Variants in EPHA6 observed in about 807,000 individuals in gnomAD.
EPHA6 encodes EPH receptor A6.
EPHA6 carries 50 observed loss-of-function variants against 112.0 expected under a neutral mutation model. The ratio of observed to expected loss-of-function variants is 0.45; its 90% CI spans 0.36 to 0.56. The LOEUF is 0.56. Among genes scored for constraint, EPHA6 ranks in the 20% least tolerant of loss-of-function variants. The probability of loss-of-function intolerance (pLI) is 0.00; values close to 1 mark genes in which losing one functional copy is unlikely to be tolerated. For synonymous variants in EPHA6, 529 were observed against 490.7 expected (o/e 1.08, Z -1.03); for missense variants, 1,280 against 1,417.4 (o/e 0.90, Z 1.56).
chr3:97,611,659 ATATC>A (rs949238070), intron 13 of EPHA6, among the ~76,000 whole-genome samples: 1 of 151,818 alleles, frequency 6.6e-6, no homozygotes, highest in Non-Finnish European at 1.5e-5. Flanking sequence ...TGTATTTTTA[ATATC>A]TATCTATCTG....
chr3:97,152,476 G>A (rs1358536429), intron 3 of EPHA6, among the ~76,000 whole-genome samples: 4 of 150,414 alleles, frequency 2.7e-5, no homozygotes, highest in Non-Finnish European at 5.9e-5. Context: ...TTAGATACTT[G>A]AAAAGAAAGG....
intron 5 of EPHA6, among the ~76,000 whole-genome samples, chr3:97,271,257 T>C (rs897595151): frequency 6.6e-6 from 1 of 152,274 alleles, no homozygotes; most frequent in Non-Finnish European, 1.5e-5. Context: ...CATTTCTGAA[T>C]ATGCACCCAT....
At position 97,581,781 on chromosome 3, in the gene EPHA6, T is replaced by G. The variant is rs555314227; in HGVS notation, c.2387-10831T>G. Among the ~76,000 whole-genome samples, 46 of 152,344 alleles carry G rather than the reference T, an allele frequency of 3.0e-4. 1 individual carries two copies. Among genetic ancestry groups the G allele is most frequent in the African/African-American group, 1.1e-3 (44 of 41,590 alleles). On this transcript the variant is annotated intron_variant, in intron 11 of 17. Transcript: ENST00000389672. ...CACCTGTGCTCTTCCCATTGCAGCT[T>G]TGCTGCCTCCTGAGGGAGCACAGAT...
At chr3:97,001,422 G>A (rs2027816) in intron 3 of EPHA6, among the ~76,000 whole-genome samples, 8,314 of 151,890 alleles carry the variant, frequency 0.055, 286 homozygotes, top group Middle Eastern at 0.12. Flanking sequence ...TGAGACAATA[G>A]CTTTACAAAA....
intron 8 of EPHA6, 115 bp downstream of exon 8, chr3:97,475,575 C>G (rs1328558278): frequency 1.5e-6 from 1 of 657,122 alleles, no homozygotes; most frequent in East Asian, 2.9e-5. Context: ...GAGAGGGATC[C>G]CATAAGAATC....
intron 2 of EPHA6, among the ~76,000 whole-genome samples, chr3:96,876,749 T>C (rs1006273611): frequency 3.3e-5 from 5 of 152,130 alleles, no homozygotes; most frequent in Non-Finnish European, 5.9e-5. Context: ...TGCTTATGTC[T>C]ATCTGGAATG....
At chr3:97,664,290 G>A (rs969405451) in intron 14 of EPHA6, among the ~76,000 whole-genome samples, 2 of 152,136 alleles carry the variant, frequency 1.3e-5, no homozygotes, top group African/African-American at 2.4e-5. Flanking sequence ...TAGGATGCCT[G>A]TTCACTCTGA....
At chr3:96,852,076 T>C (rs2035423284) in intron 1 of EPHA6, among the ~76,000 whole-genome samples, 1 of 152,196 alleles carries the variant, frequency 6.6e-6, no homozygotes, top group South Asian at 2.1e-4. Context: ...AATGGTGATA[T>C]GGTAGGACCA....
chr3:97,535,049 G>GACACAC (rs3033947), intron 11 of EPHA6, among the ~76,000 whole-genome samples: 2,274 of 150,152 alleles, frequency 0.015, 26 homozygotes, highest in Non-Finnish European at 0.019. Context: ...CTCAATCACA[G>GACACAC]ACACACACAC....
chr3:96,824,789 G>A (rs1002015467), intron 1 of EPHA6, among the ~76,000 whole-genome samples: 5 of 151,970 alleles, frequency 3.3e-5, no homozygotes, highest in African/African-American at 9.7e-5. Context: ...ATACAGAGAC[G>A]TTGAGAATAA....
rs73851227 is a variant in EPHA6 at position 97,353,905 on chromosome 3, C to G, written c.1607-51245C>G. Among the ~76,000 whole-genome samples, 440 of 152,244 alleles carry G rather than the reference C, an allele frequency of 2.9e-3. 1 individual carries two copies. The highest frequency in any genetic ancestry group is 9.2e-3 in the African/African-American group (383 of 41,542). ...AGGGGTGCTTATGTTACCCCTCCCC[C>G]AGATCCAGGCAGTTCAGCTCAGAGA... On this transcript the variant is annotated intron_variant, in intron 5 of 17. Coordinates refer to ENST00000389672, the MANE Select transcript of EPHA6 (RefSeq NM_001080448.3).
At chr3:97,395,593 T>C (rs2086652561) in intron 5 of EPHA6, among the ~76,000 whole-genome samples, 1 of 151,796 alleles carries the variant, frequency 6.6e-6, no homozygotes, top group Non-Finnish European at 1.5e-5. Flanking sequence ...AAAAATTATA[T>C]AGTCTTAAAA....
intron 6 of EPHA6, among the ~76,000 whole-genome samples, chr3:97,433,043 T>A (rs2089612333): frequency 6.6e-6 from 1 of 152,170 alleles, no homozygotes; most frequent in South Asian, 2.1e-4. Flanking sequence ...TTTAAAGCAC[T>A]GTGAAGCTCA....
intron 1 of EPHA6, among the ~76,000 whole-genome samples, chr3:96,847,870 A>G (rs904298150): frequency 9.2e-5 from 14 of 152,108 alleles, no homozygotes; most frequent in Non-Finnish European, 1.3e-4. Flanking sequence ...TTCATTCAGT[A>G]CACATTATCA....
At chr3:97,495,123 T>A (rs912866970) in intron 10 of EPHA6, among the ~76,000 whole-genome samples, 10 of 152,174 alleles carry the variant, frequency 6.6e-5, no homozygotes, top group Admixed American at 6.5e-4. Context: ...AGGGAGAGCT[T>A]ACTACCAGCT....
chr3:96,831,677 A>T, intron 1 of EPHA6, among the ~76,000 whole-genome samples: 1 of 151,998 alleles, frequency 6.6e-6, no homozygotes, highest in Middle Eastern at 3.4e-3. Flanking sequence ...TATATGATTT[A>T]TTTGCAGGTG....
At chr3:96,939,907 G>A (rs2107682788) in intron 2 of EPHA6, among the ~76,000 whole-genome samples, 1 of 152,280 alleles carries the variant, frequency 6.6e-6, no homozygotes, top group East Asian at 1.9e-4. Context: ...ATGTAGTTGA[G>A]CGGTTTTGAG....
chr3:97,502,983 GACAAA>G (rs1015235305), intron 10 of EPHA6, among the ~76,000 whole-genome samples: 7 of 150,810 alleles, frequency 4.6e-5, no homozygotes, highest in Admixed American at 1.3e-4. Flanking sequence ...AACTAACTCT[GACAAA>G]ACAAATCAAG....
intron 2 of EPHA6, among the ~76,000 whole-genome samples, chr3:96,946,442 G>T (rs1464478340): frequency 6.7e-6 from 1 of 150,122 alleles, no homozygotes; most frequent in Non-Finnish European, 1.5e-5. Flanking sequence ...TTTTGTTCTT[G>T]TGATAGTTTG....
Sources: gnomAD v4.1 joint callset for allele counts (sites outside exome capture counted in the v4.1 genomes callset) on GRCh38, gnomAD v4.1.1 for gene constraint, MANE v1.5 for transcripts, NCBI Gene and HGNC (gene_info 2026-07-23, HGNC 2026-07-21) for gene names.